CUBN: variants seen among roughly 807,000 people sequenced by gnomAD.
CUBN encodes the protein 460 kDa receptor.
A neutral mutation model predicts 405.3 loss-of-function variants in CUBN; 282 were observed. The observed-to-expected ratio is 0.70, with a 90% CI of 0.63 to 0.77. CUBN has a LOEUF of 0.77. Ranked by LOEUF, CUBN falls within the 30% of genes least tolerant of loss-of-function variation. The pLI is 0.00. For synonymous variants in CUBN, 1,684 were observed against 1,617.0 expected, an observed-to-expected ratio of 1.04 and a Z score of -0.99; for missense variants, 4,514 against 4,475.2, an observed-to-expected ratio of 1.01 and a Z score of -0.25.
At chr10:17,086,267 G>C (rs966880070) in intron 15 of CUBN, among the ~76,000 whole-genome samples, 9 of 152,030 alleles carry the variant, frequency 5.9e-5, no homozygotes, top group African/African-American at 2.2e-4. Flanking sequence ...CCTGGCCTGT[G>C]ACTGGATTTC....
At chr10:16,951,088 C>T (rs1230168812) in intron 33 of CUBN, among the ~76,000 whole-genome samples, 2 of 152,136 alleles carry the variant, frequency 1.3e-5, no homozygotes, top group Non-Finnish European at 2.9e-5. Flanking sequence ...GGATCTTTTC[C>T]TATTGCTGTT....
At chr10:16,855,563 C>A (rs746027523) in intron 59 of CUBN, among the ~76,000 whole-genome samples, 1 of 152,108 alleles carries the variant, frequency 6.6e-6, no homozygotes, top group Non-Finnish European at 1.5e-5. Flanking sequence ...CAACCCGCAG[C>A]TTGGAACGGA....
chr10:16,886,436 C>T (rs703065), intron 56 of CUBN, among the ~76,000 whole-genome samples: 111,376 of 152,122 alleles, frequency 0.73, 41,559 homozygotes, highest in African/African-American at 0.86. Context: ...CTTGACAAAT[C>T]TGCAGATAAA....
chr10:16,832,266 T>A (rs1385625168), intron 64 of CUBN, among the ~76,000 whole-genome samples: 1 of 152,216 alleles, frequency 6.6e-6, no homozygotes, highest in African/African-American at 2.4e-5. Flanking sequence ...GCGGAAATGC[T>A]GATTTTACTG....
intron 54 of CUBN, among the ~76,000 whole-genome samples, chr10:16,892,692 C>T (rs191593192): frequency 1.0e-3 from 153 of 152,064 alleles, no homozygotes; most frequent in Non-Finnish European, 1.8e-3. Flanking sequence ...TGGGGTTTTC[C>T]CGTGTTGCCC....
chr10:17,022,837 G>A (rs887778576), intron 27 of CUBN, among the ~76,000 whole-genome samples: 4 of 152,164 alleles, frequency 2.6e-5, no homozygotes, highest in Non-Finnish European at 4.4e-5. Context: ...GTAATTTAGT[G>A]ACCAAAGCAT....
At position 16,982,491 on chromosome 10, in the gene CUBN, C is replaced by T. The variant is rs1833301854; in HGVS notation, c.4688G>A (p.Cys1563Tyr). 1 of 1,613,238 alleles carries T rather than the reference C, an allele frequency of 6.2e-7. No individual in the cohort carries two copies. Among genetic ancestry groups the T allele is most frequent in the Non-Finnish European group, 8.5e-7 (1 of 1,179,452 alleles). The stretch of plus-strand genomic sequence containing the variant: ...GAAATTTATGTCACTTACCATAATA[C>T]AAGAGTCTTGTGGTTCAAGATCAAA... ...TDFDLEPQDS[C>Y]IMAYDGLSST... Residue 1563 changes from cysteine to tyrosine, a missense_variant, in exon 31 of 67, where the codon TGT (cysteine) becomes TAT (tyrosine). Cys to Tyr is a radical substitution (Grantham distance 194). Coordinates refer to ENST00000377833, the MANE Select transcript of CUBN (RefSeq NM_001081.4).
chr10:16,982,735 T>C (rs987751347), intron 30 of CUBN, 82 bp from the exon 31 acceptor site: 7 of 1,248,942 alleles, frequency 5.6e-6, no homozygotes, highest in South Asian at 5.1e-5. Flanking sequence ...TATAGATCAA[T>C]ACATTACTTT....
At position 16,829,110 on chromosome 10, in the gene CUBN, A is replaced by G. The variant is rs565443584; in HGVS notation, c.10529-70T>C. ...GCCGTCCAGTCTGGCTTGTTAGGCA[A>G]TAAGACTTTATTTTCTTAAGGTGCT... On this transcript the variant is annotated intron_variant, in intron 65 of 66. Transcript: ENST00000377833. 2.8e-5 allele frequency: 31 copies of G among 1,113,912 alleles called. No homozygotes were observed. The South Asian group carries it at 3.7e-4, about 13-fold the overall frequency. 69.0% of individuals were successfully genotyped at this position (1,113,912 alleles called of 1,614,324 possible).
At chr10:17,108,877 A>G (rs1363761629) in intron 10 of CUBN, among the ~76,000 whole-genome samples, 1 of 152,208 alleles carries the variant, frequency 6.6e-6, no homozygotes, top group African/African-American at 2.4e-5. Flanking sequence ...AACTTTACCA[A>G]TCAGTAAGAA....
chr10:16,831,135 A>G, intron 65 of CUBN, 117 bp downstream of exon 65: 1 of 897,522 alleles, frequency 1.1e-6, no homozygotes, highest in Non-Finnish European at 1.8e-6. Flanking sequence ...CTCTATTCTT[A>G]ACATAAACTA....
At chr10:16,880,108 C>A (rs967857272) in intron 56 of CUBN, among the ~76,000 whole-genome samples, 4 of 152,144 alleles carry the variant, frequency 2.6e-5, no homozygotes, top group Non-Finnish European at 5.9e-5. Flanking sequence ...AACTTTGAAA[C>A]CTTCCAGAAT....
chr10:16,950,866 T>C (rs1051507216), intron 33 of CUBN, among the ~76,000 whole-genome samples: 5 of 152,210 alleles, frequency 3.3e-5, no homozygotes, highest in Non-Finnish European at 5.9e-5. Context: ...CTCATTTCCT[T>C]AAATTCGGAT....
chr10:16,915,211 A>G (rs1408534876), intron 46 of CUBN, 39 bp from the exon 47 acceptor site: 1 of 1,612,008 alleles, frequency 6.2e-7, no homozygotes, highest in South Asian at 1.1e-5. Flanking sequence ...TGTCCAAGTG[A>G]TTGATTTCCT....
At chr10:16,931,133 G>A (rs554969941) in intron 40 of CUBN, among the ~76,000 whole-genome samples, 1 of 151,760 alleles carries the variant, frequency 6.6e-6, no homozygotes, top group Non-Finnish European at 1.5e-5. Context: ...GTGCGGTGGC[G>A]GGTGCCTATA....
chr10:16,859,825 G>T (rs1488731095), intron 59 of CUBN, among the ~76,000 whole-genome samples: 1 of 152,114 alleles, frequency 6.6e-6, no homozygotes, highest in Non-Finnish European at 1.5e-5. Context: ...ATTAGTAATT[G>T]TATAAAACAA....
chr10:16,929,641 G>C (rs917617891), intron 40 of CUBN, among the ~76,000 whole-genome samples: 7 of 152,110 alleles, frequency 4.6e-5, no homozygotes, highest in African/African-American at 1.7e-4. Context: ...TCTTTGGAGG[G>C]TTTCTGATCG....
chr10:17,078,403 C>G (rs1564506328), intron 17 of CUBN, among the ~76,000 whole-genome samples: 1 of 152,204 alleles, frequency 6.6e-6, no homozygotes, highest in Non-Finnish European at 1.5e-5. Context: ...CACTCCTCAT[C>G]TGCAGATCCT....
chr10:16,870,765 G>C (rs1238793552), intron 58 of CUBN, among the ~76,000 whole-genome samples: 1 of 152,156 alleles, frequency 6.6e-6, no homozygotes, highest in African/African-American at 2.4e-5. Flanking sequence ...GAGTTAAGCT[G>C]CTGTGAGGTG....
Sources: gnomAD v4.1 joint callset for allele counts (sites outside exome capture counted in the v4.1 genomes callset) on GRCh38, gnomAD v4.1.1 for gene constraint, MANE v1.5 for transcripts, NCBI Gene and HGNC (gene_info 2026-07-23, HGNC 2026-07-21) for gene names.